Variants in PDZD2 observed in about 807,000 individuals in gnomAD.
PDZD2 encodes the protein PDZ domain-containing protein 2.
PDZD2 carries 90 observed loss-of-function variants against 220.7 expected under a neutral mutation model. The ratio of observed to expected loss-of-function variants is 0.41; its 90% CI spans 0.34 to 0.49. The LOEUF (loss-of-function observed/expected upper bound fraction) is 0.49, where lower values mean the gene tolerates loss of function less well. PDZD2 is among the 20% of genes least tolerant of loss of function. The pLI, the probability that PDZD2 is intolerant of heterozygous loss-of-function variation, is 0.28. For missense variants in PDZD2, 3,174 were observed against 3,608.5 expected, an observed-to-expected ratio of 0.88 and a Z score of 3.08; for synonymous variants, 1,375 against 1,450.5, an observed-to-expected ratio of 0.95 and a Z score of 1.18.
chr5:31,953,118 C>G (rs1186987568), intron 2 of PDZD2, among the ~76,000 whole-genome samples: 2 of 150,000 alleles, frequency 1.3e-5, no homozygotes, highest in Non-Finnish European at 3.0e-5. Context: ...CACCAGACAG[C>G]AAACTGTACT....
intron 1 of PDZD2, among the ~76,000 whole-genome samples, chr5:31,740,320 A>G (rs1432574062): frequency 6.6e-6 from 1 of 151,058 alleles, no homozygotes; most frequent in East Asian, 1.9e-4. Context: ...GGAGATCGAG[A>G]CCATCCTGGC....
chr5:31,788,438 GGC>G (rs1397162214), intron 1 of PDZD2, among the ~76,000 whole-genome samples: 1 of 152,156 alleles, frequency 6.6e-6, no homozygotes, highest in East Asian at 1.9e-4. Flanking sequence ...GGCCAAGGCG[GGC>G]GGATCACGAG....
intron 19 of PDZD2, among the ~76,000 whole-genome samples, chr5:32,084,301 T>C (rs1394773956): frequency 1.3e-5 from 2 of 152,258 alleles, no homozygotes; most frequent in Non-Finnish European, 2.9e-5. Context: ...GCATGGGCTG[T>C]GGAGCCAGCT....
At chr5:31,898,439 G>C (rs1300707878) in intron 2 of PDZD2, among the ~76,000 whole-genome samples, 1 of 152,218 alleles carries the variant, frequency 6.6e-6, no homozygotes, top group Non-Finnish European at 1.5e-5. Flanking sequence ...TGTTGCAGCT[G>C]TTGAGTGAAA....
At chr5:31,975,046 C>G (rs749379910) in intron 2 of PDZD2, among the ~76,000 whole-genome samples, 4 of 152,186 alleles carry the variant, frequency 2.6e-5, no homozygotes, top group Non-Finnish European at 5.9e-5. Context: ...TTTCTTCACT[C>G]AGCGTGTGTC....
chr5:32,074,029 G>A lies in PDZD2; in HGVS notation c.2923G>A (p.Glu975Lys), dbSNP rs923238177. ...YDANDASDEE[E>K]FDREGDCISL... Reference sequence around the variant, plus strand: ...TGCCAACGATGCCAGTGATGAGGAAGAGTTTGACAGAGAAGGGGACTGCAT... The same window carrying A: ...TGCCAACGATGCCAGTGATGAGGAAAAGTTTGACAGAGAAGGGGACTGCAT... The change falls in exon 18 of 25, where the codon GAG (glutamate) becomes AAG (lysine). Residue 975 changes from glutamate (E) to lysine (K), a missense_variant. This residue lies in a region of PDZD2 where 1,861 missense variants were observed against 2,001.0 expected (regional missense o/e 0.93). Coordinates refer to ENST00000438447, the MANE Select transcript of PDZD2 (RefSeq NM_178140.4). 6.2e-7 allele frequency: 1 copy of A among 1,614,060 alleles called. No individual in the cohort carries two copies. Among genetic ancestry groups the A allele is most frequent in the African/African-American group, 1.3e-5 (1 of 74,944 alleles).
chr5:31,777,682 A>G (rs1035207720), intron 1 of PDZD2, among the ~76,000 whole-genome samples: 6 of 152,178 alleles, frequency 3.9e-5, no homozygotes, highest in Middle Eastern at 3.2e-3. Context: ...GGATGCACCA[A>G]TCGGCACTCT....
At position 31,678,141 on chromosome 5, in the gene PDZD2, T is replaced by C. The variant is rs149617796; in HGVS notation, c.-361+38704T>C. On this transcript the variant is annotated intron_variant, in intron 1 of 24. Coordinates refer to ENST00000438447, the MANE Select transcript of PDZD2 (RefSeq NM_178140.4). ...GGGGGACAGATGGTCAGCGAGCATT[T>C]CCCTAGGGCAGGCCTTGTGTGTTGC... 5.1e-3 allele frequency among the ~76,000 whole-genome samples: 778 copies of C among 152,290 alleles called. 8 individuals carry two copies. Among genetic ancestry groups the C allele is most frequent in the African/African-American group, 0.018 (748 of 41,552 alleles).
At chr5:31,900,185 C>T (rs141357037) in intron 2 of PDZD2, among the ~76,000 whole-genome samples, 2,761 of 152,300 alleles carry the variant, frequency 0.018, 34 homozygotes, top group Non-Finnish European at 0.03. Context: ...CATGTATCCC[C>T]TCTGGTTCCT....
intron 1 of PDZD2, among the ~76,000 whole-genome samples, chr5:31,642,017 GC>G (rs2150101083): frequency 6.6e-6 from 1 of 152,212 alleles, no homozygotes; most frequent in Non-Finnish European, 1.5e-5. Flanking sequence ...GAGGCTCCAG[GC>G]CTGGTGAGCT....
intron 20 of PDZD2, among the ~76,000 whole-genome samples, chr5:32,092,600 A>G (rs942345930): frequency 1.3e-5 from 2 of 152,224 alleles, no homozygotes; most frequent in African/African-American, 2.4e-5. Context: ...TCACTTGAAC[A>G]TATGTATTGA....
rs189889837 is a variant in PDZD2, at chr5:31,985,295, A to T, written c.978+1639A>T. Among the ~76,000 whole-genome samples, 117 of 152,300 alleles carry T rather than the reference A, an allele frequency of 7.7e-4. 1 individual carries two copies. Among genetic ancestry groups the T allele is most frequent in the African/African-American group, 2.7e-3 (111 of 41,576 alleles). Reference sequence around the variant, plus strand: ...TAAGGTTGTGGGTATTGGCTCCCTTAATCATTTGAAGGTTTAAGGCACCAG... The same window carrying T: ...TAAGGTTGTGGGTATTGGCTCCCTTTATCATTTGAAGGTTTAAGGCACCAG... On this transcript the variant is annotated intron_variant, in intron 3 of 24. Coordinates refer to ENST00000438447, the MANE Select transcript of PDZD2 (RefSeq NM_178140.4).
At chr5:31,729,198 G>C (rs1376616662) in intron 1 of PDZD2, among the ~76,000 whole-genome samples, 1 of 148,934 alleles carries the variant, frequency 6.7e-6, no homozygotes, top group African/African-American at 2.5e-5. Flanking sequence ...CCGCCTCCTG[G>C]ATTCAGGCAG....
intron 1 of PDZD2, among the ~76,000 whole-genome samples, chr5:31,758,906 C>A (rs879896093): frequency 5.3e-5 from 8 of 152,092 alleles, no homozygotes; most frequent in Non-Finnish European, 8.8e-5. Flanking sequence ...CCTGCTGTTC[C>A]GCACCCGCCT....
intron 2 of PDZD2, among the ~76,000 whole-genome samples, chr5:31,811,318 A>G (rs925357412): frequency 7.2e-5 from 11 of 152,198 alleles, no homozygotes; most frequent in Non-Finnish European, 1.5e-4. Context: ...GTTGAATTAT[A>G]TGGAGCAACA....
At chr5:31,686,555 C>G (rs1746879352) in intron 1 of PDZD2, among the ~76,000 whole-genome samples, 1 of 151,952 alleles carries the variant, frequency 6.6e-6, no homozygotes, top group Non-Finnish European at 1.5e-5. Context: ...TTAGTAGAGA[C>G]AGGGTTTCGC....
chr5:31,930,196 CTTTTTTTTTTT>C (rs760145512), intron 2 of PDZD2, among the ~76,000 whole-genome samples: 1 of 102,506 alleles, frequency 9.8e-6, no homozygotes, highest in African/African-American at 4.0e-5. Context: ...CTCAGGTATT[CTTTTTTTTTTT>C]TTTTTTTTTT....
At chr5:31,865,621 CTTTTTTTTTTTTTTTTTT>C (rs776271275) in intron 2 of PDZD2, among the ~76,000 whole-genome samples, 4 of 67,778 alleles carry the variant, frequency 5.9e-5, no homozygotes, top group South Asian at 5.4e-4. Context: ...CTACTGGCAA[CTTTTTTTTTTTTTTTTTT>C]TTTTTTTTTT....
intron 3 of PDZD2, among the ~76,000 whole-genome samples, chr5:31,990,882 T>C (rs779550992): frequency 8.5e-5 from 13 of 152,078 alleles, no homozygotes; most frequent in Non-Finnish European, 1.8e-4. Flanking sequence ...GGCAGGGGGC[T>C]GGTTGATGTT....
Sources: gnomAD v4.1 joint callset for allele counts (sites outside exome capture counted in the v4.1 genomes callset) on GRCh38, gnomAD v4.1.1 for gene constraint, gnomAD v4.1.1 regional missense constraint, MANE v1.5 for transcripts, NCBI Gene and HGNC (gene_info 2026-07-23, HGNC 2026-07-21) for gene names.